Variants in PAQR9 observed in about 807,000 individuals in gnomAD.
The protein encoded by PAQR9 is membrane progestin receptor epsilon.
PAQR9 carries 12 observed loss-of-function variants against 24.0 expected under a neutral mutation model. The observed-to-expected ratio is 0.50, with a 90% CI of 0.32 to 0.81. The LOEUF is 0.81. Among genes scored for constraint, PAQR9 ranks in the 30% least tolerant of loss-of-function variants. The probability of loss-of-function intolerance (pLI) is 0.03; values close to 1 mark genes in which losing one functional copy is unlikely to be tolerated. For missense variants in PAQR9, 418 were observed against 520.8 expected, an observed-to-expected ratio of 0.80 and a Z score of 1.92; for synonymous variants, 266 against 237.6, an observed-to-expected ratio of 1.12 and a Z score of -1.10.
upstream of PAQR9, chr3:142,963,786 C>T: frequency 1.0e-6 from 1 of 980,320 alleles, no homozygotes; most frequent in Non-Finnish European, 1.2e-6. Context: ...AGGGCGGGGG[C>T]CTCCCAGGCT....
At chr3:142,954,177 T>A (rs1454953147), downstream of PAQR9, among the ~76,000 whole-genome samples, 1 of 152,248 alleles carries the variant, frequency 6.6e-6, no homozygotes, top group African/African-American at 2.4e-5. Flanking sequence ...TCTCCCTTGC[T>A]GGGGTTATTT....
Position 142,959,029 on chromosome 3 carries a change from G to A in PAQR9, c.*3174C>T, listed in dbSNP as rs544766308. On this transcript the variant is annotated 3_prime_UTR_variant, in exon 1 of 1. Coordinates refer to ENST00000340634, the MANE Select transcript of PAQR9 (RefSeq NM_198504.4). ...GCATGACTCTATGGCGCCGCTCCTTGAGATGTCATCCAGATCATGACTAAC... is the reference window on the plus strand; with the variant it reads ...GCATGACTCTATGGCGCCGCTCCTTAAGATGTCATCCAGATCATGACTAAC... 7.9e-5 allele frequency among the ~76,000 whole-genome samples: 12 copies of A among 152,272 alleles called. No homozygotes were observed. In the South Asian group the frequency reaches 2.5e-3, roughly 32 times the overall value.
Position 142,963,216 on chromosome 3 carries a change from CA to C in PAQR9, c.120del (p.Ala41ProfsTer34). 6.4e-7 allele frequency: 1 copy of C among 1,564,290 alleles called. No homozygotes were observed. ...HSAASRDPPASAKPLLRWDEV... is the reference protein window; with the variant it reads ...HSAASRDPPAXAKPLLRWDEV... ...TCGTCCCAGCGCAGCAGCGGCTTGG[CA>C]GACGCTGGGGGGTCCCGGGAGGCGG... On this transcript the variant is annotated frameshift_variant, in exon 1 of 1. Coordinates refer to ENST00000340634, the MANE Select transcript of PAQR9 (RefSeq NM_198504.4). LOFTEE classifies it high-confidence loss of function.
Position 142,962,703 on chromosome 3 carries a change from G to C in PAQR9, c.634C>G (p.Leu212Val). The C allele has an allele frequency of 1.9e-6, 3 of 1,612,808 alleles. No homozygotes were observed. Among genetic ancestry groups the C allele is most frequent in the Non-Finnish European group, 2.5e-6 (3 of 1,179,724 alleles). Residue 212 changes from leucine (L) to valine (V), a missense_variant, in exon 1 of 1, where the codon CTG becomes GTG. By Grantham distance (32) the Leu-to-Val change is conservative. This residue lies in a region of PAQR9 where 230 missense variants were observed against 305.2 expected (regional missense o/e 0.75). Coordinates refer to ENST00000340634, the MANE Select transcript of PAQR9 (RefSeq NM_198504.4). The stretch of plus-strand genomic sequence containing the variant: ...AGCACGAAGGCCACAGGCAGCACCA[G>C]GGCGCGGTAGGCGGCGATAAGGCGC... ...CTRLIAAYRA[L>V]VLPVAFVLAV...
In PAQR9 at chr3:142,959,542, G is replaced by T. The variant is rs1320630992; in HGVS notation, c.*2661C>A. Among the ~76,000 whole-genome samples, 1 of 152,178 alleles carries T rather than the reference G, an allele frequency of 6.6e-6. No homozygotes were observed. The highest frequency in any genetic ancestry group is 1.5e-5 in the Non-Finnish European group (1 of 68,032). On this transcript the variant is annotated 3_prime_UTR_variant, in exon 1 of 1. Coordinates refer to ENST00000340634, the MANE Select transcript of PAQR9 (RefSeq NM_198504.4). ...CAGTGGACGAAGGAAAAGGCAAAGG[G>T]AAGAGGAAAGTGAATCCTCATTCTC...
At position 142,960,741 on chromosome 3, in the gene PAQR9, C is replaced by A. The variant is rs1934876253; in HGVS notation, c.*1462G>T. 6.6e-6 allele frequency: 1 copy of A among 152,174 alleles called. No individual in the cohort carries two copies. The highest frequency in any genetic ancestry group is 2.4e-5 in the African/African-American group (1 of 41,448). The allele number at this position is 152,174 out of a possible 1,614,324, so 9.4% of individuals were successfully genotyped here. Reference sequence around the variant, plus strand: ...AAATGTCTAAATAACATTGGCTAATCTGTTTGTTAGAAAGGATCTCAGGGA... The same window carrying A: ...AAATGTCTAAATAACATTGGCTAATATGTTTGTTAGAAAGGATCTCAGGGA... On this transcript the variant is annotated 3_prime_UTR_variant, in exon 1 of 1. Transcript: ENST00000340634.
exon 3 of PAQR9, chr3:142,949,463 C>G (rs1934686537): frequency 6.6e-6 from 1 of 152,178 alleles, no homozygotes; most frequent in African/African-American, 2.4e-5. Context: ...TCACTTCTGC[C>G]CACCTTTCAG....
In PAQR9 at chr3:142,955,306, T is replaced by C; in HGVS notation, c.*6897A>G. On this transcript the variant is annotated 3_prime_UTR_variant, in exon 1 of 1. Transcript: ENST00000340634. ...GGCAGATGGTTGGAGAAGGCCTAAA[T>C]ACACATGGAATCCTTTTAGAAATCT... Among the ~76,000 whole-genome samples the C allele has an allele frequency of 6.6e-6, 1 of 151,928 alleles. No homozygotes were observed. The highest frequency in any genetic ancestry group is 2.1e-4 in the South Asian group (1 of 4,808).
At chr3:142,950,706 C>G (rs752061825), downstream of PAQR9, 1 of 204,362 alleles carries the variant, frequency 4.9e-6, no homozygotes, top group Non-Finnish European at 1.1e-5. Context: ...AAACTCTGGG[C>G]TTGCAGGGCT....
Position 142,962,267 on chromosome 3 carries a change from A to G in PAQR9, c.1070T>C (p.Val357Ala). 6.2e-7 allele frequency: 1 copy of G among 1,614,154 alleles called. No individual in the cohort carries two copies. Among genetic ancestry groups the G allele is most frequent in the African/African-American group, 1.3e-5 (1 of 75,068 alleles). ...CCTGATTACCAGCCCCAGGCAGACC[A>G]CCAGCAGCAGCATGTAGCCCACAGT... The part of the protein sequence containing the change: ...SGTVGYMLLL[V>A]VCLGLVIRKF... Residue 357 changes from valine (V) to alanine (A), a missense_variant, in exon 1 of 1, where the codon GTG becomes GCG. Physicochemically the swap from Val to Ala is moderately conservative, Grantham distance 64 (BLOSUM62 0). Transcript: ENST00000340634.
chr3:142,963,563 C>T lies in PAQR9; in HGVS notation c.-227G>A, dbSNP rs183011498. On this transcript the variant is annotated 5_prime_UTR_variant, in exon 1 of 1. Transcript: ENST00000340634. ...CTGCGACCGCCAGGAGCGCGGAGCG[C>T]GCGAGGCTCAGCGGCTTCCTCGCCA... The T allele has an allele frequency of 1.2e-3, 1,176 of 967,098 alleles. No homozygotes were observed. The highest frequency in any genetic ancestry group is 1.3e-3 in the Non-Finnish European group (1,019 of 812,530). 59.9% of individuals were successfully genotyped at this position (967,098 alleles called of 1,614,324 possible).
rs996676689 is a variant in PAQR9, at chr3:142,959,820, C to T, written c.*2383G>A. 6.6e-6 allele frequency among the ~76,000 whole-genome samples: 1 copy of T among 152,200 alleles called. No homozygotes were observed. Among genetic ancestry groups the T allele is most frequent in the African/African-American group, 2.4e-5 (1 of 41,446 alleles). On this transcript the variant is annotated 3_prime_UTR_variant, in exon 1 of 1. Transcript: ENST00000340634. The stretch of plus-strand genomic sequence containing the variant: ...ATTAATCCTTGCTAGAAGTCTTCCT[C>T]CTGAAAGTTCCTTCTGAAATTGAGG...
At chr3:142,954,405 C>A (rs75539805), downstream of PAQR9, among the ~76,000 whole-genome samples, 6,290 of 152,258 alleles carry the variant, frequency 0.041, 314 homozygotes, top group East Asian at 0.23. Flanking sequence ...AAGTAATATA[C>A]TAAGGGTGCT....
In PAQR9 at chr3:142,963,192, C is replaced by G; in HGVS notation, c.145G>C (p.Glu49Gln). The G allele has an allele frequency of 3.8e-6, 6 of 1,581,692 alleles. No individual in the cohort carries two copies. Among genetic ancestry groups the G allele is most frequent in the Non-Finnish European group, 5.2e-6 (6 of 1,164,226 alleles). ...ASAKPLLRWD[E>Q]VPDDFVECFI... is the part of the protein sequence containing the mutation. ...CACTCCACGAAGTCGTCGGGCACCT[C>G]GTCCCAGCGCAGCAGCGGCTTGGCA... Residue 49 changes from glutamate to glutamine, a missense_variant, in exon 1 of 1, where the codon GAG (glutamate) becomes CAG (glutamine). Glu to Gln is a conservative substitution (Grantham distance 29). Coordinates refer to ENST00000340634, the MANE Select transcript of PAQR9 (RefSeq NM_198504.4).
chr3:142,954,209 C>G (rs1453903222), downstream of PAQR9, among the ~76,000 whole-genome samples: 1 of 152,228 alleles, frequency 6.6e-6, no homozygotes, highest in Admixed American at 6.5e-5. Flanking sequence ...ACTGTAAGTT[C>G]ACACACATCA....
rs1350286956 is a variant in PAQR9 at position 142,958,401 on chromosome 3, C to T, written c.*3802G>A. The stretch of plus-strand genomic sequence containing the variant: ...GACAATGGTCTCCGCATTCTAATGC[C>T]AGTTTGAAAACTTAATCCTGTCACC... On this transcript the variant is annotated 3_prime_UTR_variant, in exon 1 of 1. Transcript: ENST00000340634. 6.6e-6 allele frequency among the ~76,000 whole-genome samples: 1 copy of T among 152,198 alleles called. No homozygotes were observed. The highest frequency in any genetic ancestry group is 1.5e-5 in the Non-Finnish European group (1 of 68,036).
At position 142,959,182 on chromosome 3, in the gene PAQR9, G is replaced by A. The variant is rs1250719023; in HGVS notation, c.*3021C>T. ...ATTTCAAACAGCTGAACACAATAAA[G>A]TAAAACTGAATTTTAATGTGGCAAA... On this transcript the variant is annotated 3_prime_UTR_variant, in exon 1 of 1. Transcript: ENST00000340634. Among the ~76,000 whole-genome samples, 2 of 152,096 alleles carry A rather than the reference G, an allele frequency of 1.3e-5. No homozygotes were observed. Among genetic ancestry groups the A allele is most frequent in the Non-Finnish European group, 2.9e-5 (2 of 68,040 alleles).
Position 142,958,769 on chromosome 3 carries a change from G to C in PAQR9, c.*3434C>G, listed in dbSNP as rs1247588828. Reference sequence around the variant, plus strand: ...CTGTAGCCCCATACTTTCTCCCTGGGCTATTTATAGAAAGTGTATGGCTAG... The same window carrying C: ...CTGTAGCCCCATACTTTCTCCCTGGCCTATTTATAGAAAGTGTATGGCTAG... On this transcript the variant is annotated 3_prime_UTR_variant, in exon 1 of 1. Transcript: ENST00000340634. Among the ~76,000 whole-genome samples, 2 of 152,156 alleles carry C rather than the reference G, an allele frequency of 1.3e-5. No homozygotes were observed. The highest frequency in any genetic ancestry group is 3.8e-4 in the East Asian group (2 of 5,200).
At position 142,962,391 on chromosome 3, in the gene PAQR9, T is replaced by C. The variant is rs138764487; in HGVS notation, c.946A>G (p.Ile316Val). The change falls in exon 1 of 1, where the codon ATC (isoleucine) becomes GTC (valine). Residue 316 changes from isoleucine to valine, a missense_variant. Physicochemically the swap from Ile to Val is conservative, Grantham distance 29. Transcript: ENST00000340634. ...TCGTAGATGCTGAGGAAGGTGAAGA[T>C]GTGGAAGAGCTGGTGGCTGTGGCCG... ...IIGHSHQLFHIFTFLSIYDQV... is the reference protein window; with the variant it reads ...IIGHSHQLFHVFTFLSIYDQV... The C allele has an allele frequency of 1.2e-3, 1,874 of 1,614,088 alleles. 5 individuals are homozygous for C. The highest frequency in any genetic ancestry group is 1.9e-3 in the Admixed American group (115 of 60,030).
Sources: gnomAD v4.1 joint callset for allele counts (sites outside exome capture counted in the v4.1 genomes callset) on GRCh38, gnomAD v4.1.1 for gene constraint, gnomAD v4.1.1 regional missense constraint, MANE v1.5 for transcripts, NCBI Gene and HGNC (gene_info 2026-07-23, HGNC 2026-07-21) for gene names.